PCSK6: variants seen among roughly 807,000 people sequenced by gnomAD.
The protein encoded by PCSK6 is proprotein convertase subtilisin/kexin type 6, also known as paired basic amino acid cleaving enzyme 4.
In PCSK6, 85 loss-of-function variants were observed where a neutral mutation model predicts 123.3. The ratio of observed to expected loss-of-function variants is 0.69; its 90% CI spans 0.58 to 0.83. The LOEUF is 0.83. Ranked by LOEUF, PCSK6 falls within the 40% of genes least tolerant of loss-of-function variation. The pLI, the probability that PCSK6 is intolerant of heterozygous loss-of-function variation, is 0.00. For synonymous variants in PCSK6, 508 were observed against 516.0 expected, an observed-to-expected ratio of 0.98 and a Z score of 0.21; for missense variants, 1,191 against 1,282.3, an observed-to-expected ratio of 0.93 and a Z score of 1.09.
At chr15:101,426,263 G>T (rs1303139724) in intron 6 of PCSK6, among the ~76,000 whole-genome samples, 1 of 152,210 alleles carries the variant, frequency 6.6e-6, no homozygotes, top group African/African-American at 2.4e-5. Flanking sequence ...TAACAAAACT[G>T]GGGAGGCAGC....
intron 15 of PCSK6, among the ~76,000 whole-genome samples, chr15:101,327,026 G>A (rs780015254): frequency 6.6e-6 from 1 of 152,222 alleles, no homozygotes; most frequent in Non-Finnish European, 1.5e-5. Flanking sequence ...AGGACCGCCT[G>A]GTGGGGCTGT....
intron 1 of PCSK6, among the ~76,000 whole-genome samples, chr15:101,464,979 G>T (rs867603661): frequency 6.6e-6 from 1 of 152,042 alleles, no homozygotes; most frequent in Non-Finnish European, 1.5e-5. Context: ...TACTTGACTC[G>T]CAGGACCTGG....
chr15:101,344,562 A>G (rs986883839), intron 13 of PCSK6, among the ~76,000 whole-genome samples: 4 of 152,186 alleles, frequency 2.6e-5, no homozygotes, highest in African/African-American at 9.6e-5. Context: ...ACTCAACTAT[A>G]AGCCACAGGC....
chr15:101,394,129 G>T (rs11247289), intron 7 of PCSK6, among the ~76,000 whole-genome samples: 65,922 of 132,894 alleles, frequency 0.5, 15,211 homozygotes, highest in African/African-American at 0.57. Context: ...TTTTCTTTCC[G>T]TTTTTTTGTT....
chr15:101,392,820 A>C (rs138724570), intron 8 of PCSK6, among the ~76,000 whole-genome samples: 46 of 152,260 alleles, frequency 3.0e-4, no homozygotes, highest in African/African-American at 1.1e-3. Flanking sequence ...CTCAGTATAA[A>C]ACCAAGTCTT....
At chr15:101,361,641 A>G (rs550369597) in intron 13 of PCSK6, among the ~76,000 whole-genome samples, 1 of 152,328 alleles carries the variant, frequency 6.6e-6, no homozygotes, top group African/African-American at 2.4e-5. Context: ...GAGAGGTGCT[A>G]GCAGGATGTG....
chr15:101,373,556 C>T (rs932476050), intron 11 of PCSK6, among the ~76,000 whole-genome samples: 1 of 152,136 alleles, frequency 6.6e-6, no homozygotes, highest in Non-Finnish European at 1.5e-5. Context: ...AACCTAACAT[C>T]CCCAATTAGA....
intron 4 of PCSK6, 57 bp downstream of exon 4, chr15:101,431,263 A>G: frequency 6.3e-7 from 1 of 1,584,028 alleles, no homozygotes; most frequent in Non-Finnish European, 8.7e-7. Context: ...ACTTGCATTT[A>G]CTTAATGACC....
At chr15:101,406,246 C>A (rs74977183) in intron 6 of PCSK6, among the ~76,000 whole-genome samples, 3,755 of 152,164 alleles carry the variant, frequency 0.025, 148 homozygotes, top group African/African-American at 0.085. Context: ...ACATGCACAT[C>A]AATACAAGTC....
At chr15:101,396,881 T>C (rs1236072889) in intron 7 of PCSK6, among the ~76,000 whole-genome samples, 1 of 152,160 alleles carries the variant, frequency 6.6e-6, no homozygotes, top group African/African-American at 2.4e-5. Flanking sequence ...TCACATTTAG[T>C]GTCTGGGTGA....
intron 18 of PCSK6, among the ~76,000 whole-genome samples, chr15:101,319,991 G>C (rs946974868): frequency 1.3e-5 from 2 of 152,140 alleles, no homozygotes; most frequent in African/African-American, 4.8e-5. Context: ...TGTGGGACTC[G>C]TGATTGACAT....
At chr15:101,459,895 C>T (rs1386113240) in intron 1 of PCSK6, among the ~76,000 whole-genome samples, 2 of 152,054 alleles carry the variant, frequency 1.3e-5, no homozygotes, top group African/African-American at 4.8e-5. Context: ...ATTTTTAAGT[C>T]GCAAACTTCT....
intron 13 of PCSK6, among the ~76,000 whole-genome samples, chr15:101,341,994 G>A (rs1433012989): frequency 6.6e-6 from 1 of 151,996 alleles, no homozygotes; most frequent in Non-Finnish European, 1.5e-5. Flanking sequence ...GCCGGGCGCG[G>A]TGGTGCATGC....
chr15:101,479,574 G>A (rs919713579), intron 1 of PCSK6, among the ~76,000 whole-genome samples: 3 of 152,322 alleles, frequency 2.0e-5, no homozygotes, highest in Middle Eastern at 3.4e-3. Flanking sequence ...GGACAGGGCT[G>A]TGGTCGGTGC....
intron 13 of PCSK6, chr15:101,337,408 T>C (rs563776455): frequency 6.6e-6 from 1 of 152,360 alleles, no homozygotes; most frequent in African/African-American, 2.4e-5. Context: ...ACCTATGGCA[T>C]AAAGTGTATG....
intron 13 of PCSK6, among the ~76,000 whole-genome samples, chr15:101,364,549 C>G (rs2041333064): frequency 6.6e-6 from 1 of 152,130 alleles, no homozygotes; most frequent in African/African-American, 2.4e-5. Context: ...GAAAACCATT[C>G]CATTTGCAAT....
intron 6 of PCSK6, among the ~76,000 whole-genome samples, chr15:101,405,862 C>G (rs2042761249): frequency 6.6e-6 from 1 of 152,098 alleles, no homozygotes; most frequent in African/African-American, 2.4e-5. Context: ...CCTGCCTCAG[C>G]CACTGGAGTA....
At chr15:101,343,007 C>T (rs933998196) in intron 13 of PCSK6, among the ~76,000 whole-genome samples, 2 of 152,198 alleles carry the variant, frequency 1.3e-5, no homozygotes, top group Middle Eastern at 3.4e-3. Context: ...TTATTTCTTC[C>T]ATTTAAATGT....
intron 6 of PCSK6, among the ~76,000 whole-genome samples, chr15:101,414,437 A>G (rs972724586): frequency 6.6e-6 from 1 of 152,244 alleles, no homozygotes; most frequent in Non-Finnish European, 1.5e-5. Flanking sequence ...TTGTTGATGC[A>G]TGATGTAAAC....
Sources: allele counts gnomAD v4.1 joint callset (sites outside exome capture counted in the v4.1 genomes callset), GRCh38; gene constraint gnomAD v4.1.1; transcripts MANE v1.5; gene names NCBI Gene and HGNC (gene_info 2026-07-23, HGNC 2026-07-21).